The following DACH2 variants were observed in gnomAD, a reference collection of about 807,000 sequenced individuals.
DACH2 encodes the protein dachshund family transcription factor 2.
Under a neutral mutation model 35.8 loss-of-function variants are expected in DACH2, and 17 were observed. That is an observed-to-expected ratio of 0.48 (90% CI 0.33 to 0.71). DACH2 has a LOEUF of 0.71. Among genes scored for constraint, DACH2 ranks in the 30% least tolerant of loss-of-function variants. DACH2 has a pLI of 0.02. For missense variants in DACH2, 469 were observed against 472.7 expected (o/e 0.99, Z 0.07); for synonymous variants, 195 against 177.3 (o/e 1.10, Z -0.79).
intron 2 of DACH2, among the ~76,000 whole-genome samples, chrX:86,434,596 A>G (rs551302764): frequency 1.4e-4 from 16 of 111,900 alleles, no homozygotes; most frequent in African/African-American, 5.2e-4. Context: ...AAACTCCTCA[A>G]CTACCTTCAT....
chrX:86,736,415 G>T (rs2147255992), intron 6 of DACH2, among the ~76,000 whole-genome samples: 1 of 111,354 alleles, frequency 9.0e-6, no homozygotes, highest in African/African-American at 3.3e-5. Flanking sequence ...TACATAATAT[G>T]CTGCTGAAAA....
chrX:86,413,799 G>A (rs1348213451), intron 2 of DACH2, among the ~76,000 whole-genome samples: 3 of 110,893 alleles, frequency 2.7e-5, no homozygotes, highest in African/African-American at 9.9e-5. Context: ...TTCTGGCACT[G>A]GGGAAATGAC....
intron 4 of DACH2, among the ~76,000 whole-genome samples, chrX:86,674,637 T>G (rs2040806831): frequency 8.9e-6 from 1 of 112,304 alleles, no homozygotes; most frequent in South Asian, 3.7e-4. Context: ...GAGTATCTAG[T>G]GTTTATCTTT....
At chrX:86,240,620 G>T (rs987603686) in intron 1 of DACH2, among the ~76,000 whole-genome samples, 2 of 109,404 alleles carry the variant, frequency 1.8e-5, no homozygotes, top group Non-Finnish European at 3.8e-5. Context: ...AGCACATGCT[G>T]CCATGCCTGG....
chrX:86,680,406 T>A (rs5923590), intron 4 of DACH2, among the ~76,000 whole-genome samples: 15,621 of 111,234 alleles, frequency 0.14, 1,095 homozygotes, highest in Middle Eastern at 0.29. Flanking sequence ...TTGATACTTT[T>A]CTTTGAAAAA....
intron 1 of DACH2, among the ~76,000 whole-genome samples, chrX:86,327,859 T>A (rs767354573): frequency 1.3e-4 from 15 of 111,744 alleles, no homozygotes; most frequent in Non-Finnish European, 2.3e-4. Context: ...ATTATTTTAT[T>A]CACCTCCATG....
intron 7 of DACH2, among the ~76,000 whole-genome samples, chrX:86,741,354 T>C (rs1468461204): frequency 9.0e-6 from 1 of 111,552 alleles, no homozygotes; most frequent in African/African-American, 3.3e-5. Context: ...TATAATCACC[T>C]ATGGAGTTTT....
chrX:86,258,800 G>A (rs1003542362), intron 1 of DACH2, among the ~76,000 whole-genome samples: 5 of 111,891 alleles, frequency 4.5e-5, no homozygotes, highest in Non-Finnish European at 7.5e-5. Flanking sequence ...AGGTACCCAT[G>A]TTAGTGGTGA....
intron 11 of DACH2, among the ~76,000 whole-genome samples, chrX:86,818,930 C>T (rs1402451964): frequency 9.2e-6 from 1 of 108,577 alleles, no homozygotes; most frequent in Non-Finnish European, 1.9e-5. Flanking sequence ...TGGTAATTTC[C>T]ACATGGGTTT....
intron 2 of DACH2, among the ~76,000 whole-genome samples, chrX:86,436,458 G>A (rs2037069781): frequency 9.0e-6 from 1 of 110,561 alleles, no homozygotes; most frequent in Non-Finnish European, 1.9e-5. Context: ...GCCTGTTGAG[G>A]TGATGGACTG....
intron 1 of DACH2, among the ~76,000 whole-genome samples, chrX:86,270,973 A>G (rs1198057841): frequency 1.8e-5 from 2 of 112,071 alleles, no homozygotes; most frequent in African/African-American, 6.5e-5. Context: ...TGAATCAATC[A>G]GTTAATTAAC....
chrX:86,434,166 G>A lies in DACH2; in HGVS notation c.527+57304G>A, dbSNP rs186954046. ...TTAAAAAATATATGAAAGACACAGC[G>A]ATTTTTATTTTATGCCGACTTTTAT... On this transcript the variant is annotated intron_variant, in intron 2 of 11. Transcript: ENST00000373125. Among the ~76,000 whole-genome samples the A allele has an allele frequency of 6.0e-3, 675 of 111,804 alleles. 2 individuals carry two copies. The highest frequency in any genetic ancestry group is 1.0e-2 in the South Asian group (27 of 2,709).
intron 7 of DACH2, among the ~76,000 whole-genome samples, chrX:86,752,492 G>A (rs1411705660): frequency 1.8e-5 from 2 of 111,276 alleles, no homozygotes; most frequent in East Asian, 2.8e-4. Flanking sequence ...TATTTTAAAA[G>A]GTACACATAG....
At chrX:86,274,492 G>GT (rs1162526523) in intron 1 of DACH2, among the ~76,000 whole-genome samples, 1,774 of 12,187 alleles carry the variant, frequency 0.15, 143 homozygotes, top group Non-Finnish European at 0.16. Flanking sequence ...GAGTCTTTCT[G>GT]TTTTTTTTTT....
At chrX:86,413,712 T>C (rs1363725316) in intron 2 of DACH2, among the ~76,000 whole-genome samples, 1 of 111,080 alleles carries the variant, frequency 9.0e-6, no homozygotes, top group Non-Finnish European at 1.9e-5. Flanking sequence ...CCCACCATCA[T>C]AGACCTCACC....
chrX:86,574,582 A>G (rs1474635370), intron 3 of DACH2, among the ~76,000 whole-genome samples: 2 of 111,738 alleles, frequency 1.8e-5, no homozygotes, highest in Non-Finnish European at 3.8e-5. Flanking sequence ...ATAACCATCT[A>G]TCTGTGCCTG....
intron 3 of DACH2, among the ~76,000 whole-genome samples, chrX:86,631,954 T>A (rs2040206092): frequency 9.0e-6 from 1 of 111,117 alleles, no homozygotes; most frequent in African/African-American, 3.3e-5. Context: ...GCATGAATGA[T>A]TAAAAAAACA....
intron 1 of DACH2, among the ~76,000 whole-genome samples, chrX:86,332,040 C>T (rs1409148384): frequency 4.5e-5 from 5 of 111,551 alleles, no homozygotes; most frequent in African/African-American, 1.6e-4. Flanking sequence ...TTAAGCTAAG[C>T]AAAAGCTCAG....
At chrX:86,814,583 CTA>C in intron 9 of DACH2, 103 bp from the exon 10 acceptor site, 2 of 805,467 alleles carry the variant, frequency 2.5e-6, no homozygotes, top group Non-Finnish European at 3.5e-6. Flanking sequence ...TGAAATATTT[CTA>C]TATCTCTCTT....
Sources: gnomAD v4.1 joint callset for allele counts (sites outside exome capture counted in the v4.1 genomes callset) on GRCh38, gnomAD v4.1.1 for gene constraint, MANE v1.5 for transcripts, NCBI Gene and HGNC (gene_info 2026-07-23, HGNC 2026-07-21) for gene names.